MBNL1: variants seen among roughly 807,000 people sequenced by gnomAD.
MBNL1 encodes the protein muscleblind like splicing regulator 1, also known as muscleblind-like protein 1.
In MBNL1, 8 loss-of-function variants were observed where a neutral mutation model predicts 42.2. That is an observed-to-expected ratio of 0.19 (90% CI 0.11 to 0.34). The LOEUF (loss-of-function observed/expected upper bound fraction) is 0.34. Among genes scored for constraint, MBNL1 ranks in the 10% least tolerant of loss-of-function variants. The pLI is 1.00. For synonymous variants in MBNL1, 169 were observed against 173.9 expected, an observed-to-expected ratio of 0.97 and a Z score of 0.22; for missense variants, 309 against 495.3, an observed-to-expected ratio of 0.62 and a Z score of 3.57.
intron 4 of MBNL1, among the ~76,000 whole-genome samples, chr3:152,436,837 G>T (rs894953842): frequency 3.9e-5 from 6 of 152,192 alleles, no homozygotes; most frequent in African/African-American, 1.4e-4. Context: ...GGTTACAACT[G>T]CATCAACTGT....
intron 4 of MBNL1, among the ~76,000 whole-genome samples, chr3:152,443,533 G>C (rs1028463865): frequency 8.9e-6 from 1 of 112,434 alleles, no homozygotes; most frequent in Non-Finnish European, 1.9e-5. Flanking sequence ...TTTAATGTAG[G>C]CACATCACTC....
At position 152,314,426 on chromosome 3, in the gene MBNL1, A is replaced by G. The variant is rs1048090522; in HGVS notation, c.174+14059A>G. On this transcript the variant is annotated intron_variant, in intron 2 of 9. Transcript: ENST00000324210. ...GTTTAGCTCTTGTTGCCCAGGCTGGAGTACAATAGCGTGATCTTGGCTCAC... is the reference window on the plus strand; with the variant it reads ...GTTTAGCTCTTGTTGCCCAGGCTGGGGTACAATAGCGTGATCTTGGCTCAC... Among the ~76,000 whole-genome samples, 34 of 146,142 alleles carry G rather than the reference A, an allele frequency of 2.3e-4. 1 individual carries two copies. The South Asian group carries it at 6.9e-3, about 30-fold the overall frequency.
At chr3:152,282,528 A>G (rs187912602) in intron 1 of MBNL1, among the ~76,000 whole-genome samples, 1 of 152,298 alleles carries the variant, frequency 6.6e-6, no homozygotes, top group East Asian at 1.9e-4. Flanking sequence ...ACTGTGCTAG[A>G]TATTGAATAC....
intron 6 of MBNL1, among the ~76,000 whole-genome samples, chr3:152,451,201 A>G (rs543852684): frequency 2.0e-5 from 3 of 152,292 alleles, no homozygotes; most frequent in South Asian, 2.1e-4. Context: ...ACAGTGAAGC[A>G]TGGTTAGCTA....
chr3:152,397,122 A>C (rs1191268946), intron 2 of MBNL1, among the ~76,000 whole-genome samples: 1 of 152,182 alleles, frequency 6.6e-6, no homozygotes, highest in African/African-American at 2.4e-5. Context: ...CTAATCTGAA[A>C]GTTTCCCCAG....
At chr3:152,382,470 C>T (rs1205457927) in intron 2 of MBNL1, among the ~76,000 whole-genome samples, 1 of 151,882 alleles carries the variant, frequency 6.6e-6, no homozygotes, top group African/African-American at 2.4e-5. Context: ...CTTTCCTGCC[C>T]CTTCCCTAAA....
At chr3:152,369,637 T>C (rs2096574904) in intron 2 of MBNL1, among the ~76,000 whole-genome samples, 1 of 152,174 alleles carries the variant, frequency 6.6e-6, no homozygotes, top group Non-Finnish European at 1.5e-5. Flanking sequence ...ATCCATCTGG[T>C]CCTGGGCTTT....
rs532866577 is a variant in MBNL1, at chr3:152,432,867, C to CCTGCAGCTG, written c.511_519dup (p.Ala171_Ala173dup). 2.2e-5 allele frequency: 35 copies of CCTGCAGCTG among 1,613,914 alleles called. No individual in the cohort carries two copies. Among genetic ancestry groups the CCTGCAGCTG allele is most frequent in the African/African-American group, 1.3e-4 (10 of 74,914 alleles). On this transcript the variant is annotated inframe_insertion, in exon 4 of 10. Coordinates refer to ENST00000324210, the MANE Select transcript of MBNL1 (RefSeq NM_021038.5). The stretch of plus-strand genomic sequence containing the variant: ...TACAGGGAATCCGGGTGTCCCTGTA[C>CCTGCAGCTG]CTGCAGCTGCTGCAGCTGCTGCACA...
intron 3 of MBNL1, among the ~76,000 whole-genome samples, chr3:152,418,012 G>C (rs1278236963): frequency 6.6e-6 from 1 of 152,158 alleles, no homozygotes; most frequent in Non-Finnish European, 1.5e-5. Context: ...GGAATGCAGG[G>C]ATCTGTAGGA....
intron 2 of MBNL1, among the ~76,000 whole-genome samples, chr3:152,410,702 A>C (rs925558341): frequency 2.6e-5 from 4 of 152,252 alleles, no homozygotes; most frequent in African/African-American, 9.6e-5. Context: ...GCTAGTCAGC[A>C]GGACAGCTCT....
rs2291904 is a variant in MBNL1 at position 152,302,806 on chromosome 3, A to G, written c.174+2439A>G. On this transcript the variant is annotated intron_variant, in intron 2 of 9. Coordinates refer to ENST00000324210, the MANE Select transcript of MBNL1 (RefSeq NM_021038.5). ...TGTGTCCTGTGTATTGCTTAAATCC[A>G]TAGTCCAGCCTTTTCTGAGTTCTTG... is the stretch of plus-strand genomic sequence containing the variant. 1.1e-4 allele frequency among the ~76,000 whole-genome samples: 16 copies of G among 152,234 alleles called. No individual in the cohort carries two copies. In the East Asian group the frequency reaches 3.1e-3, roughly 29 times the overall value.
At chr3:152,326,447 A>AT (rs1332959754) in intron 2 of MBNL1, among the ~76,000 whole-genome samples, 3 of 152,188 alleles carry the variant, frequency 2.0e-5, no homozygotes, top group Admixed American at 6.5e-5. Flanking sequence ...GCCAATCCTT[A>AT]TAAAGTTCTC....
intron 2 of MBNL1, among the ~76,000 whole-genome samples, chr3:152,390,686 C>T (rs922149202): frequency 2.0e-5 from 3 of 151,306 alleles, no homozygotes; most frequent in African/African-American, 2.4e-5. Context: ...TGACTTAGGC[C>T]GAGATAGTTT....
chr3:152,418,714 CTT>C (rs35606256), intron 3 of MBNL1, among the ~76,000 whole-genome samples: 8 of 118,672 alleles, frequency 6.7e-5, no homozygotes, highest in Admixed American at 8.4e-5. Flanking sequence ...TCTTAACAAT[CTT>C]TTTTTTTTTT....
intron 2 of MBNL1, among the ~76,000 whole-genome samples, chr3:152,365,110 T>C (rs1179419011): frequency 6.6e-6 from 1 of 152,144 alleles, no homozygotes; most frequent in African/African-American, 2.4e-5. Context: ...ATTTTAATTA[T>C]GCTACAGATT....
intron 2 of MBNL1, among the ~76,000 whole-genome samples, chr3:152,323,952 A>G (rs570772594): frequency 1.3e-5 from 2 of 152,248 alleles, no homozygotes; most frequent in East Asian, 3.9e-4. Context: ...TTTATATGAC[A>G]TGCAGTTTGA....
intron 2 of MBNL1, among the ~76,000 whole-genome samples, chr3:152,374,080 A>C (rs1243774106): frequency 6.6e-6 from 1 of 152,208 alleles, no homozygotes; most frequent in East Asian, 1.9e-4. Flanking sequence ...GCTGTTTTAA[A>C]AATGAGTTGC....
At chr3:152,427,857 TTG>T (rs1325981603) in intron 3 of MBNL1, among the ~76,000 whole-genome samples, 2 of 151,496 alleles carry the variant, frequency 1.3e-5, no homozygotes, top group African/African-American at 4.8e-5. Context: ...GACTTAAAAT[TTG>T]TGATCTGTGA....
At chr3:152,434,045 T>G (rs539553508) in intron 4 of MBNL1, among the ~76,000 whole-genome samples, 211 of 152,296 alleles carry the variant, frequency 1.4e-3, no homozygotes, top group African/African-American at 4.8e-3. Flanking sequence ...GATGAGGCAA[T>G]ATATTTTTTT....
Sources: allele counts gnomAD v4.1 joint callset (sites outside exome capture counted in the v4.1 genomes callset), GRCh38; gene constraint gnomAD v4.1.1; transcripts MANE v1.5; gene names NCBI Gene and HGNC (gene_info 2026-07-23, HGNC 2026-07-21).